The following THAP9 variants were observed in gnomAD, a reference collection of about 807,000 sequenced individuals.
The protein encoded by THAP9 is THAP domain containing 9.
A neutral mutation model predicts 35.7 loss-of-function variants in THAP9; 20 were observed. The ratio of observed to expected loss-of-function variants is 0.56; its 90% CI spans 0.39 to 0.81. The LOEUF (loss-of-function observed/expected upper bound fraction) is 0.81. Ranked by LOEUF, THAP9 falls within the 40% of genes least tolerant of loss-of-function variation. The pLI is 0.00. For synonymous variants in THAP9, 335 were observed against 373.7 expected (o/e 0.90, Z 1.19); for missense variants, 870 against 1,047.4 (o/e 0.83, Z 2.34).
rs774035313 is a variant in THAP9, at chr4:82,907,900, G to A, written c.696G>A (p.Lys232=). The change falls in exon 4 of 5, where the codon AAG becomes AAA. Residue 232 remains lysine, a synonymous_variant. Coordinates refer to ENST00000302236, the MANE Select transcript of THAP9 (RefSeq NM_024672.6). ...CSSKVYDYVR[K]ILKLPHSSIL... The stretch of plus-strand genomic sequence containing the variant: ...GCAAAGTCTATGATTATGTAAGAAA[G>A]ATTCTTAAGCTGCCTCATTCTTCCA... 4.3e-6 allele frequency: 7 copies of A among 1,609,834 alleles called. No homozygotes were observed. Among genetic ancestry groups the A allele is most frequent in the Non-Finnish European group, 5.9e-6 (7 of 1,178,756 alleles).
At chr4:82,901,040 A>G (rs777544538) in intron 1 of THAP9, 158 bp downstream of exon 1, 5 of 871,830 alleles carry the variant, frequency 5.7e-6, no homozygotes, top group Non-Finnish European at 9.4e-6. Flanking sequence ...GAATTGGGGC[A>G]CTGTGAGAAT....
Position 82,906,387 on chromosome 4 carries a change from G to A in THAP9, c.340G>A (p.Asp114Asn). 6.2e-7 allele frequency: 1 copy of A among 1,613,178 alleles called. No individual in the cohort carries two copies. The highest frequency in any genetic ancestry group is 8.5e-7 in the Non-Finnish European group (1 of 1,179,400). ...AAAAATCCTAAAACAACCTCTTCCA[G>A]ACAATTCTCAAGAAGTTGCTACTGA... ...RQKILKQPLP[D>N]NSQEVATEDH... The change falls in exon 3 of 5, where the codon GAC becomes AAC. Residue 114 changes from aspartate (D) to asparagine (N), a missense_variant. Coordinates refer to ENST00000302236, the MANE Select transcript of THAP9 (RefSeq NM_024672.6).
At chr4:82,916,858 G>A in intron 4 of THAP9, 86 bp from the exon 5 acceptor site, 1 of 1,191,758 alleles carries the variant, frequency 8.4e-7, no homozygotes, top group Non-Finnish European at 1.1e-6. Flanking sequence ...ACAGGGATGG[G>A]AGACTACTTT....
In THAP9 at chr4:82,918,393, A is replaced by C; in HGVS notation, c.2181A>C (p.Ser727=). 6.2e-7 allele frequency: 1 copy of C among 1,614,170 alleles called. No homozygotes were observed. Among genetic ancestry groups the C allele is most frequent in the African/African-American group, 1.3e-5 (1 of 75,064 alleles). ...CYAGYVANKL[S]ALLTCEDCIT... ...CTGGTTATGTTGCAAACAAGTTATCAGCTCTTTTAACTTGTGAGGACTGCA... is the reference window on the plus strand; with the variant it reads ...CTGGTTATGTTGCAAACAAGTTATCCGCTCTTTTAACTTGTGAGGACTGCA... The change falls in exon 5 of 5, where the codon TCA becomes TCC. Residue 727 remains serine, a synonymous_variant. Coordinates refer to ENST00000302236, the MANE Select transcript of THAP9 (RefSeq NM_024672.6).
chr4:82,904,375 T>G (rs554978558), intron 1 of THAP9, among the ~76,000 whole-genome samples: 3 of 152,280 alleles, frequency 2.0e-5, no homozygotes, highest in Non-Finnish European at 2.9e-5. Flanking sequence ...CTTCACTTCT[T>G]AAAAGGAAGA....
chr4:82,918,138 G>T lies in THAP9; in HGVS notation c.1926G>T (p.Glu642Asp). The change falls in exon 5 of 5, where the codon GAG (glutamate) becomes GAT (aspartate). Residue 642 changes from glutamate to aspartate, a missense_variant. Transcript: ENST00000302236. ...MAFQKAYYNL[E>D]TRYKFQDEVF... ...TCCAGAAAGCTTACTATAATTTGGA[G>T]ACCAGATACAAATTTCAAGATGAAG... 1.2e-6 allele frequency: 2 copies of T among 1,614,114 alleles called. No homozygotes were observed. The highest frequency in any genetic ancestry group is 2.2e-5 in the South Asian group (2 of 91,060).
chr4:82,918,375 T>C lies in THAP9; in HGVS notation c.2163T>C (p.Tyr721=), dbSNP rs369914053. 2.3e-5 allele frequency: 37 copies of C among 1,614,058 alleles called. No individual in the cohort carries two copies. Among genetic ancestry groups the C allele is most frequent in the Non-Finnish European group, 3.0e-5 (35 of 1,180,004 alleles). Residue 721 remains tyrosine (Y), a synonymous_variant, in exon 5 of 5, where the codon TAT becomes TAC. Transcript: ENST00000302236. ...GAAATCTCATCTGTTATGCTGGTTATGTTGCAAACAAGTTATCAGCTCTTT... is the reference window on the plus strand; with the variant it reads ...GAAATCTCATCTGTTATGCTGGTTACGTTGCAAACAAGTTATCAGCTCTTT... ...HRRNLICYAG[Y]VANKLSALLT...
At chr4:82,906,051 T>G in intron 2 of THAP9, 1 of 417,148 alleles carries the variant, frequency 2.4e-6, no homozygotes, top group Non-Finnish European at 4.6e-6. Context: ...CTCACTTCCA[T>G]GAAGCCATCC....
intron 4 of THAP9, among the ~76,000 whole-genome samples, chr4:82,911,735 C>T (rs1363261517): frequency 2.6e-5 from 4 of 152,274 alleles, no homozygotes; most frequent in African/African-American, 7.2e-5. Flanking sequence ...GTTTTTATTG[C>T]ATTGCTTCTG....
In THAP9 at chr4:82,916,829, T is replaced by A; in HGVS notation, c.732-115T>A. 8 of 802,762 alleles carry A rather than the reference T, an allele frequency of 1.0e-5. No individual in the cohort carries two copies. The South Asian group carries it at 3.4e-4, about 34-fold the overall frequency. The allele number at this position is 802,762 out of a possible 1,614,324, so 49.7% of individuals were successfully genotyped here. ...AATATCTATAGAATTTGGCTGCTTATATACTTGGCTTTATTTCTACAGGGA... is the reference window on the plus strand; with the variant it reads ...AATATCTATAGAATTTGGCTGCTTAAATACTTGGCTTTATTTCTACAGGGA... On this transcript the variant is annotated intron_variant, in intron 4 of 4. Transcript: ENST00000302236.
chr4:82,906,188 C>T, intron 2 of THAP9, 136 bp from the exon 3 acceptor site: 3 of 694,824 alleles, frequency 4.3e-6, no homozygotes, highest in Non-Finnish European at 6.9e-6. Flanking sequence ...TTAAAACATT[C>T]AGAGATTATG....
intron 2 of THAP9, 133 bp from the exon 3 acceptor site, chr4:82,906,191 A>G: frequency 1.4e-6 from 1 of 718,598 alleles, no homozygotes; most frequent in South Asian, 2.2e-5. Context: ...AAACATTCAG[A>G]GATTATGACC....
chr4:82,910,515 G>A (rs929012910), intron 4 of THAP9, among the ~76,000 whole-genome samples: 4 of 149,188 alleles, frequency 2.7e-5, no homozygotes, highest in African/African-American at 9.8e-5. Context: ...TAGAGCCTCC[G>A]TTTATTTTCT....
intron 4 of THAP9, among the ~76,000 whole-genome samples, chr4:82,912,648 G>T (rs185658795): frequency 6.6e-6 from 1 of 152,320 alleles, no homozygotes; most frequent in Admixed American, 6.5e-5. Flanking sequence ...GCACAATTAT[G>T]TGCAGCTGAA....
chr4:82,908,091 AGAAAAAATGGACTAAT>A (rs1237860573), intron 4 of THAP9, among the ~76,000 whole-genome samples, 156 bp downstream of exon 4: 3 of 150,650 alleles, frequency 2.0e-5, no homozygotes, highest in African/African-American at 2.4e-5. Flanking sequence ...ATTTAAAAAA[AGAAAAAATGGACTAAT>A]GAAAAAATGG....
Position 82,906,340 on chromosome 4 carries a change from A to G in THAP9, c.293A>G (p.His98Arg). The G allele has an allele frequency of 1.3e-6, 2 of 1,593,536 alleles. No individual in the cohort carries two copies. Among genetic ancestry groups the G allele is most frequent in the South Asian group, 2.3e-5 (2 of 87,346 alleles). ...CTGTCATAGATTCCTCAAGGTGTAC[A>G]TCTTAAAGGTAAAGCAAGACAAAAA... ...VSLYKIPQGV[H>R]LKGKARQKIL... Residue 98 changes from histidine (H) to arginine (R), a missense_variant, in exon 3 of 5, where the codon CAT (histidine) becomes CGT (arginine). Coordinates refer to ENST00000302236, the MANE Select transcript of THAP9 (RefSeq NM_024672.6).
At chr4:82,902,773 AT>A (rs1720478928) in intron 1 of THAP9, among the ~76,000 whole-genome samples, 1 of 152,234 alleles carries the variant, frequency 6.6e-6, no homozygotes, top group Admixed American at 6.5e-5. Flanking sequence ...TAAAATTATA[AT>A]CCCAGAAATG....
chr4:82,914,307 T>C (rs1270805740), intron 4 of THAP9, among the ~76,000 whole-genome samples: 2 of 152,218 alleles, frequency 1.3e-5, no homozygotes, highest in Non-Finnish European at 2.9e-5. Context: ...CATGTGTCTT[T>C]ATGGTAGAAT....
At chr4:82,902,344 T>C (rs1299617932) in intron 1 of THAP9, among the ~76,000 whole-genome samples, 1 of 151,642 alleles carries the variant, frequency 6.6e-6, no homozygotes, top group Non-Finnish European at 1.5e-5. Flanking sequence ...ATTACAGGCA[T>C]GAGCCACCCT....
Sources: gnomAD v4.1 joint callset for allele counts (sites outside exome capture counted in the v4.1 genomes callset) on GRCh38, gnomAD v4.1.1 for gene constraint, MANE v1.5 for transcripts, NCBI Gene and HGNC (gene_info 2026-07-23, HGNC 2026-07-21) for gene names.